Variants in TMEM132D observed in about 807,000 individuals in gnomAD.
TMEM132D encodes the protein transmembrane protein 132D.
In TMEM132D, 21 loss-of-function variants were observed where a neutral mutation model predicts 62.3. That is an observed-to-expected ratio of 0.34 (90% CI 0.24 to 0.49). TMEM132D has a LOEUF of 0.49. Among genes scored for constraint, TMEM132D ranks in the 20% least tolerant of loss-of-function variants. The pLI is 0.99. For synonymous variants in TMEM132D, 621 were observed against 575.6 expected, an observed-to-expected ratio of 1.08 and a Z score of -1.13; for missense variants, 1,346 against 1,402.8, an observed-to-expected ratio of 0.96 and a Z score of 0.65.
rs938341096 is a variant in TMEM132D at position 129,074,760 on chromosome 12, G to A, written c.2415C>T (p.Asn805=). The part of the protein sequence containing the change: ...VKFGQNDANP[N]TSDSRHTGAG... Reference sequence around the variant, plus strand: ...CCCCTGTGTGTCTGCTGTCACTGGTGTTGGGGTTAGCATCGTTTTGGCCAA... The same window carrying A: ...CCCCTGTGTGTCTGCTGTCACTGGTATTGGGGTTAGCATCGTTTTGGCCAA... Residue 805 remains asparagine, a synonymous_variant, in exon 9 of 9, where the codon AAC becomes AAT. Coordinates refer to ENST00000422113, the MANE Select transcript of TMEM132D (RefSeq NM_133448.3). 1.2e-6 allele frequency: 2 copies of A among 1,613,998 alleles called. No individual in the cohort carries two copies. The highest frequency in any genetic ancestry group is 2.7e-5 in the African/African-American group (2 of 74,892).
In TMEM132D at chr12:129,554,316, G is replaced by A. The variant is rs551512123; in HGVS notation, c.969-23111C>T. ...TTTCTCCCAGTAATTTGAACCACAA[G>A]GCACTAAGTAACGATGCCAGGTGGT... On this transcript the variant is annotated intron_variant, in intron 2 of 8. Coordinates refer to ENST00000422113, the MANE Select transcript of TMEM132D (RefSeq NM_133448.3). Among the ~76,000 whole-genome samples the A allele has an allele frequency of 8.5e-4, 129 of 152,274 alleles. 1 individual carries two copies. The highest frequency in any genetic ancestry group is 1.4e-3 in the Non-Finnish European group (96 of 68,034).
chr12:129,195,314 G>A (rs1330622125), intron 5 of TMEM132D, among the ~76,000 whole-genome samples: 1 of 152,134 alleles, frequency 6.6e-6, no homozygotes, highest in Non-Finnish European at 1.5e-5. Context: ...GAGAGTTGCA[G>A]GAAATGAGGT....
intron 1 of TMEM132D, among the ~76,000 whole-genome samples, chr12:129,763,032 T>C (rs185721045): frequency 6.6e-5 from 10 of 152,330 alleles, no homozygotes; most frequent in Admixed American, 3.3e-4. Flanking sequence ...ATACGCCTCC[T>C]AGTTCTTAAA....
intron 4 of TMEM132D, among the ~76,000 whole-genome samples, chr12:129,214,560 A>C (rs1490866451): frequency 6.6e-6 from 1 of 152,238 alleles, no homozygotes; most frequent in African/African-American, 2.4e-5. Context: ...AAATGACTAT[A>C]GTTTTTGGCT....
chr12:129,650,433 T>C (rs1433809553), intron 2 of TMEM132D, among the ~76,000 whole-genome samples: 1 of 152,222 alleles, frequency 6.6e-6, no homozygotes, highest in Non-Finnish European at 1.5e-5. Flanking sequence ...GTATTTATCA[T>C]ATTTTTTGTG....
intron 2 of TMEM132D, among the ~76,000 whole-genome samples, chr12:129,650,310 C>A (rs547254372): frequency 2.0e-5 from 3 of 152,196 alleles, no homozygotes; most frequent in South Asian, 4.2e-4. Context: ...ATTTTGCTAC[C>A]ATAGAATACA....
chr12:129,139,695 A>T (rs1876680920), intron 5 of TMEM132D, among the ~76,000 whole-genome samples: 1 of 152,150 alleles, frequency 6.6e-6, no homozygotes, highest in Admixed American at 6.5e-5. Context: ...CATCATCATA[A>T]TAATTATTAT....
intron 2 of TMEM132D, among the ~76,000 whole-genome samples, chr12:129,668,758 A>G (rs948709425): frequency 3.0e-4 from 45 of 152,350 alleles, no homozygotes; most frequent in African/African-American, 1.0e-3. Flanking sequence ...CATACGTGCA[A>G]TAAGAATCTG....
intron 1 of TMEM132D, among the ~76,000 whole-genome samples, chr12:129,801,433 C>T (rs1871780152): frequency 1.3e-5 from 2 of 151,204 alleles, no homozygotes; most frequent in Admixed American, 6.6e-5. Context: ...GGCACACTGA[C>T]ACCTCACACG....
chr12:129,352,451 T>TTTCC (rs71079298), intron 3 of TMEM132D, among the ~76,000 whole-genome samples: 19 of 148,130 alleles, frequency 1.3e-4, no homozygotes, highest in African/African-American at 4.2e-4. Context: ...TTTTTTTTTT[T>TTTCC]CTAGCATCAG....
At chr12:129,798,702 AGG>A (rs1871640747) in intron 1 of TMEM132D, among the ~76,000 whole-genome samples, 1 of 137,898 alleles carries the variant, frequency 7.3e-6, no homozygotes, top group Non-Finnish European at 1.6e-5. Context: ...AGAAGAGAGA[AGG>A]GGTGGAGGGA....
intron 3 of TMEM132D, among the ~76,000 whole-genome samples, chr12:129,457,600 T>C (rs577207327): frequency 6.6e-6 from 1 of 151,686 alleles, no homozygotes; most frequent in South Asian, 2.1e-4. Context: ...ATAATAATAA[T>C]AAAGAAAAAA....
intron 2 of TMEM132D, among the ~76,000 whole-genome samples, chr12:129,693,650 A>C (rs1175136560): frequency 6.6e-6 from 1 of 152,160 alleles, no homozygotes; most frequent in East Asian, 1.9e-4. Context: ...CGATCAATAG[A>C]ATAAACCTCC....
At position 129,900,162 on chromosome 12, in the gene TMEM132D, C is replaced by T. The variant is rs182390360; in HGVS notation, c.79+3099G>A. ...CCTCTCCTCTAAGATTCTCTGATCC[C>T]TTGAAAGTTCTCACCCAGCTGGAAA... On this transcript the variant is annotated intron_variant, in intron 1 of 8. Coordinates refer to ENST00000422113, the MANE Select transcript of TMEM132D (RefSeq NM_133448.3). Among the ~76,000 whole-genome samples the T allele has an allele frequency of 2.5e-3, 374 of 152,284 alleles. 2 individuals are homozygous for T. Among genetic ancestry groups the T allele is most frequent in the African/African-American group, 8.5e-3 (355 of 41,550 alleles).
intron 1 of TMEM132D, among the ~76,000 whole-genome samples, chr12:129,720,821 A>T (rs1296362302): frequency 1.3e-5 from 2 of 152,246 alleles, no homozygotes; most frequent in Non-Finnish European, 2.9e-5. Flanking sequence ...AATAATCATT[A>T]ATCACCTATA....
rs116318709 is a variant in TMEM132D at position 129,420,163 on chromosome 12, G to A, written c.1116-82346C>T. ...GCTGTGGGCAGTTGCTGGTGTCTGC[G>A]ATAGCATCAGCAGGAAGAATGCTCC... On this transcript the variant is annotated intron_variant, in intron 3 of 8. Coordinates refer to ENST00000422113, the MANE Select transcript of TMEM132D (RefSeq NM_133448.3). Among the ~76,000 whole-genome samples, 1,172 of 152,174 alleles carry A rather than the reference G, an allele frequency of 7.7e-3. 12 individuals are homozygous for A. The highest frequency in any genetic ancestry group is 0.027 in the African/African-American group (1,104 of 41,510).
chr12:129,313,317 G>A (rs543031621), intron 4 of TMEM132D, among the ~76,000 whole-genome samples: 83 of 152,066 alleles, frequency 5.5e-4, no homozygotes, highest in Admixed American at 2.4e-3. Flanking sequence ...ATCCCTTGCC[G>A]TCCTCCTACT....
chr12:129,823,749 T>C (rs1412730426), intron 1 of TMEM132D, among the ~76,000 whole-genome samples: 2 of 152,242 alleles, frequency 1.3e-5, no homozygotes, highest in African/African-American at 2.4e-5. Flanking sequence ...TTGCTAGCTA[T>C]GTCACATTTA....
intron 1 of TMEM132D, among the ~76,000 whole-genome samples, chr12:129,808,202 A>G (rs948766703): frequency 6.6e-6 from 1 of 152,218 alleles, no homozygotes; most frequent in Admixed American, 6.5e-5. Context: ...CGTCAACACC[A>G]TTCTCTCTCA....
Sources: gnomAD v4.1 joint callset for allele counts (sites outside exome capture counted in the v4.1 genomes callset) on GRCh38, gnomAD v4.1.1 for gene constraint, MANE v1.5 for transcripts, NCBI Gene and HGNC (gene_info 2026-07-23, HGNC 2026-07-21) for gene names.